The following DCAF7 variants were observed in gnomAD, a reference collection of about 807,000 sequenced individuals.
DCAF7 encodes DDB1 and CUL4 associated factor 7.
In DCAF7, 4 loss-of-function variants were observed where a neutral mutation model predicts 41.2. The observed-to-expected ratio is 0.10, with a 90% CI of 0.05 to 0.22. The LOEUF is 0.22. DCAF7 is among the 10% of genes least tolerant of loss of function. DCAF7 has a pLI of 1.00. For missense variants in DCAF7, 131 were observed against 443.2 expected (o/e 0.30, Z 6.32); for synonymous variants, 143 against 164.2 (o/e 0.87, Z 0.99).
intron 2 of DCAF7, 105 bp from the exon 3 acceptor site, chr17:63,579,232 C>T (rs1253661642): frequency 6.9e-6 from 5 of 727,098 alleles, no homozygotes; most frequent in Non-Finnish European, 1.1e-5. Context: ...ATGTTTTCCC[C>T]TCATGTCTTA....
intron 4 of DCAF7, among the ~76,000 whole-genome samples, chr17:63,581,239 A>G (rs1031996516): frequency 2.6e-4 from 39 of 152,228 alleles, no homozygotes; most frequent in Admixed American, 2.6e-3. Context: ...AAGCGGCTAC[A>G]TTTTAGTTAT....
intron 1 of DCAF7, chr17:63,552,323 C>T (rs1311699032): frequency 6.6e-6 from 1 of 151,974 alleles, no homozygotes; most frequent in African/African-American, 2.4e-5. Flanking sequence ...TAGAGTAGGT[C>T]CTCTTTGGAG....
chr17:63,562,043 G>A (rs888487303), intron 1 of DCAF7, among the ~76,000 whole-genome samples: 1 of 147,214 alleles, frequency 6.8e-6, no homozygotes. Context: ...GGGGGAAAAA[G>A]AACATGTTGA....
At position 63,584,339 on chromosome 17, in the gene DCAF7, A is replaced by G. The variant is rs554140010; in HGVS notation, c.738+628A>G. On this transcript the variant is annotated intron_variant, in intron 5 of 6. Transcript: ENST00000614556. The stretch of plus-strand genomic sequence containing the variant: ...AAAAATTAGCTGGGTGTGGTGGCAT[A>G]CGCCTGTAGTTCCAGCTATTCGGGA... Among the ~76,000 whole-genome samples, 8 of 152,260 alleles carry G rather than the reference A, an allele frequency of 5.3e-5. No individual in the cohort carries two copies. In the South Asian group the frequency reaches 1.5e-3, roughly 28 times the overall value.
chr17:63,556,756 A>C (rs1007511514), intron 1 of DCAF7, among the ~76,000 whole-genome samples: 1 of 152,026 alleles, frequency 6.6e-6, no homozygotes, highest in African/African-American at 2.4e-5. Context: ...AATCCAAGCT[A>C]CTTGGGAGGC....
rs2033743518 is a variant in DCAF7, at chr17:63,592,393, A to G, written c.*3221A>G. The G allele has an allele frequency of 6.6e-6, 1 of 151,786 alleles. No individual in the cohort carries two copies. Among genetic ancestry groups the G allele is most frequent in the Non-Finnish European group, 1.5e-5 (1 of 68,012 alleles). The allele number at this position is 151,786 out of a possible 1,614,324, so 9.4% of individuals were successfully genotyped here. On this transcript the variant is annotated 3_prime_UTR_variant, in exon 7 of 7. Coordinates refer to ENST00000614556, the MANE Select transcript of DCAF7 (RefSeq NM_005828.5). ...GCACTCCAGCCTGGGCGACAGAGCA[A>G]GACTCCGTCTCAAAAAATAAAAAAA...
In DCAF7 at chr17:63,550,840, C is replaced by G. The variant is rs1370925714; in HGVS notation, c.138+25C>G. ...GGTGGGCCGGGCAGGGGCTCGGAAC[C>G]CAGCTGGCGGGGAGCGGGCCCCGGG... On this transcript the variant is annotated intron_variant, in intron 1 of 6. Coordinates refer to ENST00000614556, the MANE Select transcript of DCAF7 (RefSeq NM_005828.5). The surrounding 1 kb of genome is among the most constrained non-coding windows in gnomAD (Gnocchi z 4.8). 3 of 1,608,538 alleles carry G rather than the reference C, an allele frequency of 1.9e-6. No homozygotes were observed. Among genetic ancestry groups the G allele is most frequent in the South Asian group, 2.2e-5 (2 of 90,778 alleles).
rs750944137 is a variant in DCAF7, at chr17:63,579,976, ATGCTTCCTG to A, written c.528+37_528+45del. 5.1e-6 allele frequency: 8 copies of A among 1,557,610 alleles called. No individual in the cohort carries two copies. In the Middle Eastern group the frequency reaches 1.0e-3, roughly 196 times the overall value. On this transcript the variant is annotated intron_variant, in intron 4 of 6. Transcript: ENST00000614556. ...GCTTTTCCATTTCGTCTTTCCTCAA[ATGCTTCCTG>A]TGCCTTCCGCACAGGAAGAGGTCAG...
At chr17:63,576,305 G>T (rs1018803930) in intron 1 of DCAF7, among the ~76,000 whole-genome samples, 2 of 152,146 alleles carry the variant, frequency 1.3e-5, no homozygotes, top group African/African-American at 4.8e-5. Context: ...TTAGCCGGGC[G>T]TAGTGGCACA....
At position 63,589,175 on chromosome 17, in the gene DCAF7, TTGG is replaced by T; in HGVS notation, c.*7_*9del. On this transcript the variant is annotated 3_prime_UTR_variant, in exon 7 of 7. Transcript: ENST00000614556. The stretch of plus-strand genomic sequence containing the variant: ...GCCTGGAGATACTCAGAGTGTAGTG[TTGG>T]TGGCGCTGTGCCCACGAGGCAGGGG... 6.2e-7 allele frequency: 1 copy of T among 1,611,638 alleles called. No individual in the cohort carries two copies. Among genetic ancestry groups the T allele is most frequent in the Non-Finnish European group, 8.5e-7 (1 of 1,179,052 alleles).
At position 63,579,372 on chromosome 17, in the gene DCAF7, A is replaced by C. The variant is rs375459452; in HGVS notation, c.333A>C (p.Leu111=). 1 of 1,608,538 alleles carries C rather than the reference A, an allele frequency of 6.2e-7. No homozygotes were observed. The change falls in exon 3 of 7, where the codon CTA becomes CTC. Residue 111 remains leucine (L), a synonymous_variant. Transcript: ENST00000614556. ...CAGAGACCAGGCTGGAGTGTTTGCT[A>C]AACAATAATAAGAACTCTGATTTCT... The part of the protein sequence containing the change: ...GETETRLECL[L]NNNKNSDFCA...
chr17:63,550,682 C>T lies in DCAF7; in HGVS notation c.5C>T (p.Ser2Phe). The change falls in exon 1 of 7, where the codon TCC becomes TTC. Residue 2 changes from serine to phenylalanine, a missense_variant. Ser to Phe is a radical substitution (Grantham distance 155). Transcript: ENST00000614556. The surrounding 1 kb of genome is among the most constrained non-coding windows in gnomAD (Gnocchi z 4.8). M[S>F]LHGKRKEIYK... ...TACTGCGGCCCCGTGGCCACCATGT[C>T]CCTGCACGGCAAACGGAAGGAGATC... 1 of 1,613,118 alleles carries T rather than the reference C, an allele frequency of 6.2e-7. No individual in the cohort carries two copies. The highest frequency in any genetic ancestry group is 1.3e-5 in the African/African-American group (1 of 74,854).
rs149113527 is a variant in DCAF7 at position 63,578,431 on chromosome 17, T to A, written c.139-39T>A. On this transcript the variant is annotated intron_variant, in intron 1 of 6. Coordinates refer to ENST00000614556, the MANE Select transcript of DCAF7 (RefSeq NM_005828.5). The stretch of plus-strand genomic sequence containing the variant: ...GGATCTAATGTATTTGCTGTACTGC[T>A]CACAAATGCTTATGTGGCTCAACTT... 1.2e-3 allele frequency: 1,894 copies of A among 1,613,444 alleles called. 21 individuals carry two copies. In the African/African-American group the frequency reaches 0.022, roughly 19 times the overall value.
At position 63,550,603 on chromosome 17, in the gene DCAF7, A is replaced by G. The variant is rs2033237965; in HGVS notation, c.-75A>G. ...CCCCTCCTCTCCTCCCTTCGGACCC[A>G]TAGATCTCAGGCTCGGCTCCCCGCC... On this transcript the variant is annotated 5_prime_UTR_variant, in exon 1 of 7. Transcript: ENST00000614556. This position sits in a 1 kb window ranked among gnomAD's most constrained non-coding sequence, Gnocchi z 4.8. The G allele has an allele frequency of 6.3e-7, 1 of 1,584,896 alleles. No individual in the cohort carries two copies. The highest frequency in any genetic ancestry group is 2.3e-5 in the East Asian group (1 of 44,416).
rs904221763 is a variant in DCAF7, at chr17:63,590,108, T to C, written c.*936T>C. 6.6e-5 allele frequency: 10 copies of C among 152,664 alleles called. No individual in the cohort carries two copies. The highest frequency in any genetic ancestry group is 2.4e-4 in the African/African-American group (10 of 41,446). The allele number at this position is 152,664 out of a possible 1,614,324, so 9.5% of individuals were successfully genotyped here. On this transcript the variant is annotated 3_prime_UTR_variant, in exon 7 of 7. Coordinates refer to ENST00000614556, the MANE Select transcript of DCAF7 (RefSeq NM_005828.5). Reference sequence around the variant, plus strand: ...AGTACATTCTTTCAGAGTCTGTTTTTCCATCCAAATATAAGCCCCAGGCCA... The same window carrying C: ...AGTACATTCTTTCAGAGTCTGTTTTCCCATCCAAATATAAGCCCCAGGCCA...
intron 1 of DCAF7, among the ~76,000 whole-genome samples, chr17:63,566,456 A>G (rs1479489432): frequency 6.6e-6 from 1 of 152,194 alleles, no homozygotes. Flanking sequence ...GAGTAAGAGT[A>G]GTAGTATTAG....
intron 1 of DCAF7, among the ~76,000 whole-genome samples, chr17:63,565,788 G>T (rs2033433855): frequency 6.6e-6 from 1 of 152,102 alleles, no homozygotes; most frequent in African/African-American, 2.4e-5. Flanking sequence ...CAAAAGTAAA[G>T]GTAGTCAATG....
intron 1 of DCAF7, among the ~76,000 whole-genome samples, chr17:63,562,384 G>A (rs1161695730): frequency 3.3e-5 from 5 of 151,958 alleles, no homozygotes; most frequent in African/African-American, 4.8e-5. Context: ...GGGTGCGCAC[G>A]GACACTCATT....
Position 63,593,465 on chromosome 17 carries a change from C to G in DCAF7, c.*4293C>G, listed in dbSNP as rs141900202. On this transcript the variant is annotated 3_prime_UTR_variant, in exon 7 of 7. Transcript: ENST00000614556. ...AGGTGCCTTCCCAAAGAGGCTTGGA[C>G]TGGTATATCCAACGAGAAACAAATA... 23 of 152,736 alleles carry G rather than the reference C, an allele frequency of 1.5e-4. No homozygotes were observed. The East Asian group carries it at 3.7e-3, about 24-fold the overall frequency. 9.5% of individuals were successfully genotyped at this position (152,736 alleles called of 1,614,324 possible).
Sources: gnomAD v4.1 joint callset for allele counts (sites outside exome capture counted in the v4.1 genomes callset) on GRCh38, gnomAD v4.1.1 for gene constraint, Gnocchi (gnomAD v3.1) non-coding constraint, MANE v1.5 for transcripts, NCBI Gene and HGNC (gene_info 2026-07-23, HGNC 2026-07-21) for gene names.